Variants in TMEM184C observed in about 807,000 individuals in gnomAD.
The protein encoded by TMEM184C is transmembrane protein 184C.
TMEM184C carries 25 observed loss-of-function variants against 54.5 expected under a neutral mutation model. The ratio of observed to expected loss-of-function variants is 0.46; its 90% CI spans 0.33 to 0.64. TMEM184C has a LOEUF of 0.64. TMEM184C is among the 30% of genes least tolerant of loss of function. The pLI is 0.02. For missense variants in TMEM184C, 335 were observed against 520.3 expected (o/e 0.64, Z 3.46); for synonymous variants, 148 against 181.5 (o/e 0.82, Z 1.49).
chr4:147,632,869 A>AT (rs771515406), intron 7 of TMEM184C, 34 bp from the exon 8 acceptor site: 20 of 1,586,964 alleles, frequency 1.3e-5, no homozygotes, highest in Non-Finnish European at 1.7e-5. Context: ...TATGCTTGAT[A>AT]TAGATTTGGC....
intron 7 of TMEM184C, 47 bp from the exon 8 acceptor site, chr4:147,632,856 T>C: frequency 6.4e-7 from 1 of 1,563,016 alleles, no homozygotes; most frequent in Non-Finnish European, 8.8e-7. Context: ...CTACTGCTCA[T>C]TTTATGCTTG....
chr4:147,626,869 G>A (rs1732823901), intron 4 of TMEM184C, among the ~76,000 whole-genome samples: 1 of 152,212 alleles, frequency 6.6e-6, no homozygotes, highest in Non-Finnish European at 1.5e-5. Flanking sequence ...GTTATCAAGG[G>A]AGACAGATTG....
In TMEM184C at chr4:147,635,886, T is replaced by TATG. The variant is rs1349460656; in HGVS notation, c.*1455_*1457dup. The TATG allele has an allele frequency of 2.0e-5, 3 of 152,316 alleles. No homozygotes were observed. The East Asian group carries it at 5.8e-4, about 29-fold the overall frequency. The allele number at this position is 152,316 out of a possible 1,614,324, so 9.4% of individuals were successfully genotyped here. Reference sequence around the variant, plus strand: ...CTAACTGAAAAATTAAGATGCCATTTATGATAGCATAAAAAAAATACTTAC... The same window carrying TATG: ...CTAACTGAAAAATTAAGATGCCATTTATGATGATAGCATAAAAAAAATACTTAC... On this transcript the variant is annotated 3_prime_UTR_variant, in exon 10 of 10. Transcript: ENST00000296582.
Position 147,633,935 on chromosome 4 carries a change from TG to T in TMEM184C, c.1051+1del. The T allele has an allele frequency of 6.2e-7, 1 of 1,611,342 alleles. No individual in the cohort carries two copies. The highest frequency in any genetic ancestry group is 1.3e-5 in the African/African-American group (1 of 74,958). ...ATATTTCTGAACAAGTAAGGCATGT[TG>T]GTAAGTACCAGCTATTTAATTCAAC... Reference protein sequence around the residue: ...DDISEQVRHVGRTVRGHPRKK... With the variant: ...DDISEQVRHVXRTVRGHPRKK... On this transcript the variant is annotated frameshift_variant and splice_region_variant, in exon 9 of 10. Transcript: ENST00000296582. LOFTEE classifies it high-confidence loss of function.
intron 1 of TMEM184C, among the ~76,000 whole-genome samples, chr4:147,619,734 A>G (rs941446386): frequency 5.3e-5 from 8 of 152,220 alleles, no homozygotes; most frequent in Admixed American, 4.6e-4. Flanking sequence ...TTAGTTTCAA[A>G]TGTAGTTTTT....
rs141717815 is a variant in TMEM184C at position 147,636,154 on chromosome 4, G to T, written c.*1720G>T. On this transcript the variant is annotated 3_prime_UTR_variant, in exon 10 of 10. Coordinates refer to ENST00000296582, the MANE Select transcript of TMEM184C (RefSeq NM_018241.3). The stretch of plus-strand genomic sequence containing the variant: ...CTAAAATTCATATGTAACGATAAAA[G>T]ACCCTGAATAGGCAAAAGAATACTG... 6.6e-6 allele frequency: 1 copy of T among 152,056 alleles called. No individual in the cohort carries two copies. The highest frequency in any genetic ancestry group is 2.4e-5 in the African/African-American group (1 of 41,490). 9.4% of individuals were successfully genotyped at this position (152,056 alleles called of 1,614,324 possible).
chr4:147,634,062 A>G (rs1451985670), intron 9 of TMEM184C, 107 bp from the exon 10 acceptor site: 32 of 1,517,916 alleles, frequency 2.1e-5, no homozygotes, highest in Non-Finnish European at 2.8e-5. Context: ...GTGCAGGCTC[A>G]TCAACTTTGG....
Position 147,624,051 on chromosome 4 carries a change from T to C in TMEM184C, c.255-11T>C. Reference sequence around the variant, plus strand: ...AAAATGTTTTAAATTTCTGTTTTCCTTTTCCAATAGGATTCTTTGGATGGT... The same window carrying C: ...AAAATGTTTTAAATTTCTGTTTTCCCTTTCCAATAGGATTCTTTGGATGGT... On this transcript the variant is annotated splice_polypyrimidine_tract_variant and intron_variant, in intron 2 of 9. Transcript: ENST00000296582. 1 of 1,610,488 alleles carries C rather than the reference T, an allele frequency of 6.2e-7. No individual in the cohort carries two copies. The highest frequency in any genetic ancestry group is 1.1e-5 in the South Asian group (1 of 90,930).
chr4:147,633,694 G>C (rs1325922314), intron 8 of TMEM184C, 71 bp from the exon 9 acceptor site: 18 of 1,285,900 alleles, frequency 1.4e-5, no homozygotes, highest in South Asian at 2.4e-5. Flanking sequence ...AAAGCAAGTA[G>C]AGAAAGATAG....
At position 147,634,126 on chromosome 4, in the gene TMEM184C, T is replaced by C. The variant is rs186404499; in HGVS notation, c.1052-43T>C. On this transcript the variant is annotated intron_variant, in intron 9 of 9. Coordinates refer to ENST00000296582, the MANE Select transcript of TMEM184C (RefSeq NM_018241.3). Reference sequence around the variant, plus strand: ...TATTTTTAGAATGGTAAGTTTATAATGGTAAAAATAACTTTTGACTAACAG... The same window carrying C: ...TATTTTTAGAATGGTAAGTTTATAACGGTAAAAATAACTTTTGACTAACAG... 34 of 1,581,666 alleles carry C rather than the reference T, an allele frequency of 2.1e-5. No homozygotes were observed. In the Admixed American group the frequency reaches 4.2e-4, roughly 20 times the overall value.
chr4:147,625,172 A>G (rs1184038421), intron 4 of TMEM184C, among the ~76,000 whole-genome samples, 163 bp downstream of exon 4: 2 of 152,246 alleles, frequency 1.3e-5, no homozygotes, highest in Non-Finnish European at 2.9e-5. Flanking sequence ...AAGGCTAACA[A>G]AACAGTTTTG....
chr4:147,627,296 CTG>C (rs914327039), intron 4 of TMEM184C, among the ~76,000 whole-genome samples: 2 of 150,552 alleles, frequency 1.3e-5, no homozygotes, highest in South Asian at 2.1e-4. Flanking sequence ...TCAAAGATTA[CTG>C]TGTTTTTTTT....
chr4:147,631,603 A>G (rs1213098634), intron 7 of TMEM184C, 98 bp downstream of exon 7: 2 of 819,308 alleles, frequency 2.4e-6, no homozygotes, highest in Non-Finnish European at 3.9e-6. Context: ...CGGAAGATAG[A>G]TTAAAATGTC....
At chr4:147,627,024 G>A (rs928774012) in intron 4 of TMEM184C, among the ~76,000 whole-genome samples, 1 of 152,176 alleles carries the variant, frequency 6.6e-6, no homozygotes, top group Non-Finnish European at 1.5e-5. Context: ...CTAAAGGCAG[G>A]CCAAGGCCTT....
intron 3 of TMEM184C, among the ~76,000 whole-genome samples, 163 bp from the exon 4 acceptor site, chr4:147,624,641 A>T (rs1456184672): frequency 6.6e-6 from 1 of 152,098 alleles, no homozygotes; most frequent in Non-Finnish European, 1.5e-5. Flanking sequence ...CATTCATTTC[A>T]CAGATTGATA....
intron 5 of TMEM184C, 104 bp downstream of exon 5, chr4:147,628,539 G>C (rs1732854807): frequency 1.1e-6 from 1 of 888,016 alleles, no homozygotes; most frequent in South Asian, 1.6e-5. Context: ...TTATAATGCA[G>C]GTCTAGTCTG....
rs1174771094 is a variant in TMEM184C, at chr4:147,623,772, C to T, written c.124-62C>T. The T allele has an allele frequency of 7.1e-6, 11 of 1,551,950 alleles. No homozygotes were observed. The Admixed American group carries it at 1.9e-4, about 27-fold the overall frequency. ...GGATTATAGGCACAAGGCACTGAGC[C>T]TGGCCAAGCTCTTTTGTTTTAATAT... is the stretch of plus-strand genomic sequence containing the variant. On this transcript the variant is annotated intron_variant, in intron 1 of 9. Transcript: ENST00000296582.
Position 147,634,705 on chromosome 4 carries a change from C to A in TMEM184C, c.*271C>A. On this transcript the variant is annotated 3_prime_UTR_variant, in exon 10 of 10. Transcript: ENST00000296582. ...CCCCAACTAAATCTTCCTGATGTTA[C>A]ACTGCTTTATCAAGAGGATGGACTT... 2.9e-6 allele frequency: 1 copy of A among 342,410 alleles called. No individual in the cohort carries two copies. Among genetic ancestry groups the A allele is most frequent in the Non-Finnish European group, 5.2e-6 (1 of 190,986 alleles). 21.2% of individuals were successfully genotyped at this position (342,410 alleles called of 1,614,324 possible).
chr4:147,631,611 G>A, intron 7 of TMEM184C, 106 bp downstream of exon 7: 1 of 769,376 alleles, frequency 1.3e-6, no homozygotes, highest in Non-Finnish European at 2.1e-6. Context: ...AGATTAAAAT[G>A]TCTCTACTTC....
Sources: gnomAD v4.1 joint callset for allele counts (sites outside exome capture counted in the v4.1 genomes callset) on GRCh38, gnomAD v4.1.1 for gene constraint, MANE v1.5 for transcripts, NCBI Gene and HGNC (gene_info 2026-07-23, HGNC 2026-07-21) for gene names.